TFPI: variants seen among roughly 807,000 people sequenced by gnomAD.
The protein encoded by TFPI is anti-convertin.
Under a neutral mutation model 34.6 loss-of-function variants are expected in TFPI, and 15 were observed. The ratio of observed to expected loss-of-function variants is 0.43; its 90% CI spans 0.29 to 0.67. The LOEUF (loss-of-function observed/expected upper bound fraction) is 0.67, where lower values mean the gene tolerates loss of function less well. TFPI is among the 30% of genes least tolerant of loss of function. The pLI, the probability that TFPI is intolerant of heterozygous loss-of-function variation, is 0.15. For missense variants in TFPI, 301 were observed against 364.0 expected, an observed-to-expected ratio of 0.83 and a Z score of 1.41; for synonymous variants, 105 against 120.1, an observed-to-expected ratio of 0.87 and a Z score of 0.82.
At chr2:187,508,856 G>T (rs956567645) in intron 1 of TFPI, among the ~76,000 whole-genome samples, 1 of 152,142 alleles carries the variant, frequency 6.6e-6, no homozygotes, top group South Asian at 2.1e-4. Context: ...GTGAGAGAGG[G>T]CATCTTTGTC....
chr2:187,492,326 C>T (rs961629074), intron 3 of TFPI, among the ~76,000 whole-genome samples: 1 of 152,030 alleles, frequency 6.6e-6, no homozygotes, highest in African/African-American at 2.4e-5. Flanking sequence ...CCAGATTTTC[C>T]TCTAGAATTA....
chr2:187,522,808 G>A (rs867291894), intron 1 of TFPI, among the ~76,000 whole-genome samples: 7 of 151,052 alleles, frequency 4.6e-5, no homozygotes, highest in Middle Eastern at 3.4e-3. Context: ...GGAGAATGGC[G>A]TGAACCCGGG....
intron 6 of TFPI, among the ~76,000 whole-genome samples, chr2:187,474,417 A>G (rs1692240621): frequency 6.6e-6 from 1 of 152,208 alleles, no homozygotes; most frequent in Admixed American, 6.5e-5. Context: ...GTGGGATACA[A>G]GGCTGGAAAA....
At chr2:187,502,844 A>T (rs1441033187) in intron 2 of TFPI, among the ~76,000 whole-genome samples, 1 of 152,210 alleles carries the variant, frequency 6.6e-6, no homozygotes, top group Admixed American at 6.5e-5. Context: ...ACTTTATTAA[A>T]GTACACTGAA....
intron 3 of TFPI, among the ~76,000 whole-genome samples, chr2:187,492,715 C>A (rs1685202955): frequency 6.6e-6 from 1 of 152,212 alleles, no homozygotes; most frequent in East Asian, 1.9e-4. Context: ...GGCCTGTAGA[C>A]CCTTTGTTTT....
intron 1 of TFPI, 107 bp downstream of exon 1, chr2:187,554,093 G>C (rs1399747065): frequency 1.3e-5 from 2 of 152,062 alleles, no homozygotes; most frequent in Non-Finnish European, 2.9e-5. Flanking sequence ...AATAAACAGT[G>C]ATCCTCCCCT....
At chr2:187,511,543 A>G (rs1686634315) in intron 1 of TFPI, among the ~76,000 whole-genome samples, 1 of 152,148 alleles carries the variant, frequency 6.6e-6, no homozygotes, top group Non-Finnish European at 1.5e-5. Flanking sequence ...AAATTTCAAG[A>G]AAGGATTTAA....
intron 1 of TFPI, among the ~76,000 whole-genome samples, chr2:187,522,461 T>G (rs921057105): frequency 6.6e-6 from 1 of 152,082 alleles, no homozygotes; most frequent in Non-Finnish European, 1.5e-5. Context: ...TATGCTAGAA[T>G]AGTAAATTCT....
chr2:187,518,215 G>T (rs1321939940), intron 1 of TFPI: 1 of 152,170 alleles, frequency 6.6e-6, no homozygotes, highest in Non-Finnish European at 1.5e-5. Context: ...ACTTTTAGTT[G>T]ATGCAGTTTC....
At chr2:187,512,413 T>G (rs1686706657) in intron 1 of TFPI, among the ~76,000 whole-genome samples, 1 of 151,948 alleles carries the variant, frequency 6.6e-6, no homozygotes, top group Non-Finnish European at 1.5e-5. Context: ...CCAGCAGGTT[T>G]CCTAACAGGG....
At chr2:187,513,207 A>C (rs1482951650) in intron 1 of TFPI, among the ~76,000 whole-genome samples, 1 of 152,178 alleles carries the variant, frequency 6.6e-6, no homozygotes, top group East Asian at 1.9e-4. Context: ...AAAGTTAAAG[A>C]GGTATCATCC....
rs1311572556 is a variant in TFPI, at chr2:187,465,702, AAGTCATGAAGCT to A, written c.*1222_*1233del. Reference sequence around the variant, plus strand: ...GAATTATACTATCATTGTTAGCGAGAAGTCATGAAGCTATTCATGAAGCTATTCATGAAGCTA... The same window carrying A: ...GAATTATACTATCATTGTTAGCGAGAATTCATGAAGCTATTCATGAAGCTA... On this transcript the variant is annotated 3_prime_UTR_variant, in exon 8 of 8. Coordinates refer to ENST00000233156, the MANE Select transcript of TFPI (RefSeq NM_006287.6). The A allele has an allele frequency of 6.6e-6, 1 of 152,054 alleles. No individual in the cohort carries two copies. The highest frequency in any genetic ancestry group is 2.4e-5 in the African/African-American group (1 of 41,402). The allele number at this position is 152,054 out of a possible 1,614,324, so 9.4% of individuals were successfully genotyped here.
chr2:187,479,583 A>G (rs1184963801), intron 6 of TFPI, among the ~76,000 whole-genome samples: 3 of 129,072 alleles, frequency 2.3e-5, no homozygotes, highest in Non-Finnish European at 3.3e-5. Context: ...ATATATATAT[A>G]TATATATGAT....
chr2:187,503,486 C>CACAT (rs1292244929), intron 2 of TFPI, among the ~76,000 whole-genome samples, 162 bp downstream of exon 2: 6 of 151,684 alleles, frequency 4.0e-5, no homozygotes, highest in African/African-American at 1.5e-4. Flanking sequence ...CACACACACA[C>CACAT]ACACACACAC....
At position 187,505,525 on chromosome 2, in the gene TFPI, CT is replaced by C. The variant is rs755723967; in HGVS notation, c.-2-1756del. On this transcript the variant is annotated intron_variant, in intron 1 of 7. Transcript: ENST00000233156. The stretch of plus-strand genomic sequence containing the variant: ...GGTATTTCTCATTGTGGCTACACTC[CT>C]TAGACAGCTTTATTTTCTCTCAGTG... Among the ~76,000 whole-genome samples, 22 of 152,282 alleles carry C rather than the reference CT, an allele frequency of 1.4e-4. No homozygotes were observed. In the East Asian group the frequency reaches 3.9e-3, roughly 27 times the overall value.
intron 6 of TFPI, among the ~76,000 whole-genome samples, chr2:187,478,379 AAACAAAACAG>A (rs1164535380): frequency 6.6e-6 from 1 of 152,166 alleles, no homozygotes; most frequent in African/African-American, 2.4e-5. Flanking sequence ...CAACAACAAA[AAACAAAACAG>A]AACAAAACAA....
At chr2:187,477,644 A>T (rs1012041701) in intron 6 of TFPI, among the ~76,000 whole-genome samples, 1 of 152,192 alleles carries the variant, frequency 6.6e-6, no homozygotes, top group Non-Finnish European at 1.5e-5. Context: ...TAACAAGGAG[A>T]TAATAACAAT....
At chr2:187,552,511 A>C (rs1159230462) in intron 1 of TFPI, among the ~76,000 whole-genome samples, 3 of 152,064 alleles carry the variant, frequency 2.0e-5, no homozygotes, top group African/African-American at 7.2e-5. Flanking sequence ...ATTTAAGTCA[A>C]AATAGTTGTA....
intron 2 of TFPI, among the ~76,000 whole-genome samples, chr2:187,497,781 G>A (rs1407020017): frequency 1.3e-5 from 2 of 151,540 alleles, no homozygotes; most frequent in Non-Finnish European, 3.0e-5. Flanking sequence ...ATAGAAATAG[G>A]GGAAACTCAA....
Sources: allele counts gnomAD v4.1 joint callset (sites outside exome capture counted in the v4.1 genomes callset), GRCh38; gene constraint gnomAD v4.1.1; transcripts MANE v1.5; gene names NCBI Gene and HGNC (gene_info 2026-07-23, HGNC 2026-07-21).